The following DFFA variants were observed in gnomAD, a reference collection of about 807,000 sequenced individuals.
The protein encoded by DFFA is DNA fragmentation factor subunit alpha, also known as DFF45.
DFFA carries 14 observed loss-of-function variants against 28.0 expected under a neutral mutation model. The ratio of observed to expected loss-of-function variants is 0.50; its 90% CI spans 0.33 to 0.78. DFFA has a LOEUF of 0.78. Ranked by LOEUF, DFFA falls within the 30% of genes least tolerant of loss-of-function variation. The pLI, the probability that DFFA is intolerant of heterozygous loss-of-function variation, is 0.02. For missense variants in DFFA, 395 were observed against 407.1 expected (o/e 0.97, Z 0.26); for synonymous variants, 158 against 170.3 (o/e 0.93, Z 0.56).
At chr1:10,468,935 C>T (rs1375612203) in intron 2 of DFFA, among the ~76,000 whole-genome samples, 1 of 152,088 alleles carries the variant, frequency 6.6e-6, no homozygotes, top group Non-Finnish European at 1.5e-5. Flanking sequence ...GATGGACTTT[C>T]GCCATGTTGG....
In DFFA at chr1:10,460,238, C is replaced by CT. The variant is rs1446708849; in HGVS notation, c.*1251dup. On this transcript the variant is annotated 3_prime_UTR_variant, in exon 6 of 6. Coordinates refer to ENST00000377038, the MANE Select transcript of DFFA (RefSeq NM_004401.3). ...CCAGACTAGGTGACAGAGTGAGACTCTGTCTCAAAAAAACAAAACAAAACT... is the reference window on the plus strand; with the variant it reads ...CCAGACTAGGTGACAGAGTGAGACTCTTGTCTCAAAAAAACAAAACAAAACT... 6.6e-6 allele frequency: 1 copy of CT among 151,552 alleles called. No homozygotes were observed. Among genetic ancestry groups the CT allele is most frequent in the Non-Finnish European group, 1.5e-5 (1 of 68,034 alleles). The allele number at this position is 151,552 out of a possible 1,614,324, so 9.4% of individuals were successfully genotyped here.
chr1:10,468,741 ATT>A (rs112127951), intron 2 of DFFA, among the ~76,000 whole-genome samples: 6 of 137,840 alleles, frequency 4.4e-5, no homozygotes, highest in Non-Finnish European at 3.2e-5. Context: ...TCATTCATCT[ATT>A]TTTTTTTTTT....
chr1:10,466,255 C>T (rs565328054), intron 3 of DFFA, among the ~76,000 whole-genome samples: 164 of 152,216 alleles, frequency 1.1e-3, no homozygotes, highest in Non-Finnish European at 1.8e-3. Context: ...GCGATCTCGG[C>T]TCACTGCAAG....
chr1:10,472,300 C>T lies in DFFA; in HGVS notation c.136+23G>A. The T allele has an allele frequency of 6.4e-7, 1 of 1,563,414 alleles. No individual in the cohort carries two copies. The highest frequency in any genetic ancestry group is 1.7e-4 in the Middle Eastern group (1 of 5,756). On this transcript the variant is annotated intron_variant, in intron 1 of 5. Coordinates refer to ENST00000377038, the MANE Select transcript of DFFA (RefSeq NM_004401.3). This position sits in a 1 kb window ranked among gnomAD's most constrained non-coding sequence, Gnocchi z 5.0. Reference sequence around the variant, plus strand: ...CACCCGGCCCTGGCTCCCCCACACCCTCGCCCGGGGTCCCGAGCCAACCCT... The same window carrying T: ...CACCCGGCCCTGGCTCCCCCACACCTTCGCCCGGGGTCCCGAGCCAACCCT...
intron 1 of DFFA, among the ~76,000 whole-genome samples, chr1:10,470,715 G>A (rs534552652): frequency 1.2e-3 from 183 of 148,092 alleles, no homozygotes; most frequent in African/African-American, 4.3e-3. Flanking sequence ...GTGAGCCACC[G>A]GACCCGGCCC....
chr1:10,465,889 A>G (rs899499399), intron 3 of DFFA, among the ~76,000 whole-genome samples: 4 of 151,910 alleles, frequency 2.6e-5, no homozygotes, highest in Non-Finnish European at 5.9e-5. Context: ...TACCACATCA[A>G]ACTCCTGAAC....
At chr1:10,465,294 T>A (rs983146089) in intron 3 of DFFA, among the ~76,000 whole-genome samples, 37 of 151,792 alleles carry the variant, frequency 2.4e-4, no homozygotes, top group African/African-American at 8.0e-4. Context: ...TGAGACAGAG[T>A]CTTGCTCTGT....
rs528834154 is a variant in DFFA, at chr1:10,472,074, G to A, written c.136+249C>T. Among the ~76,000 whole-genome samples, 1 of 152,250 alleles carries A rather than the reference G, an allele frequency of 6.6e-6. No homozygotes were observed. The highest frequency in any genetic ancestry group is 1.9e-4 in the East Asian group (1 of 5,182). ...TGATTTCAGGCAAGAGACCTAAGCC[G>A]AGTCTGGCTTAATTTGCACATTGCT... On this transcript the variant is annotated intron_variant, in intron 1 of 5. Transcript: ENST00000377038. This position sits in a 1 kb window ranked among gnomAD's most constrained non-coding sequence, Gnocchi z 5.0.
Position 10,461,439 on chromosome 1 carries a change from C to T in DFFA, c.*51G>A. ...AGTCAAATGATGAGGCTGAGGGTGT[C>T]TACCAATAACACAACGCCACAGAGC... is the stretch of plus-strand genomic sequence containing the variant. On this transcript the variant is annotated 3_prime_UTR_variant, in exon 6 of 6. Coordinates refer to ENST00000377038, the MANE Select transcript of DFFA (RefSeq NM_004401.3). 6.4e-7 allele frequency: 1 copy of T among 1,569,998 alleles called. No homozygotes were observed. The highest frequency in any genetic ancestry group is 8.7e-7 in the Non-Finnish European group (1 of 1,155,688).
In DFFA at chr1:10,461,152, C is replaced by T. The variant is rs1014161891; in HGVS notation, c.*338G>A. The stretch of plus-strand genomic sequence containing the variant: ...GTCTCGATCTCCTGACTTCACGATC[C>T]GCCCCCCTCGGCCTCCCAGTGCTGG... On this transcript the variant is annotated 3_prime_UTR_variant, in exon 6 of 6. Transcript: ENST00000377038. 2.5e-4 allele frequency: 51 copies of T among 205,540 alleles called. No individual in the cohort carries two copies. The highest frequency in any genetic ancestry group is 9.7e-4 in the African/African-American group (43 of 44,220). 12.7% of individuals were successfully genotyped at this position (205,540 alleles called of 1,614,324 possible). A position where few individuals can be genotyped will look rare whatever the true frequency, so the allele number is the denominator to read the frequency against.
chr1:10,465,322 A>G (rs1057290598), intron 3 of DFFA, among the ~76,000 whole-genome samples: 4 of 152,138 alleles, frequency 2.6e-5, no homozygotes, highest in African/African-American at 9.7e-5. Context: ...GCTAAAATGC[A>G]GTGGCGTGAT....
intron 2 of DFFA, 44 bp from the exon 3 acceptor site, chr1:10,467,376 GC>G: frequency 1.2e-6 from 2 of 1,611,574 alleles, no homozygotes; most frequent in Non-Finnish European, 1.7e-6. Context: ...AACCTGAAGT[GC>G]TGTTTTCACC....
At chr1:10,465,522 C>T (rs1486911776) in intron 3 of DFFA, among the ~76,000 whole-genome samples, 1 of 151,954 alleles carries the variant, frequency 6.6e-6, no homozygotes, top group Non-Finnish European at 1.5e-5. Context: ...CCTCAGCCTC[C>T]CAAAGTGCTG....
rs997160475 is a variant in DFFA at position 10,459,161 on chromosome 1, A to G, written c.*2329T>C. On this transcript the variant is annotated 3_prime_UTR_variant, in exon 6 of 6. Coordinates refer to ENST00000377038, the MANE Select transcript of DFFA (RefSeq NM_004401.3). ...GAGCCACTGCGCCCGGCCTATTGTGATATTTCTTTACTTAATAACTAGCAG... is the reference window on the plus strand; with the variant it reads ...GAGCCACTGCGCCCGGCCTATTGTGGTATTTCTTTACTTAATAACTAGCAG... 2 of 152,194 alleles carry G rather than the reference A, an allele frequency of 1.3e-5. No homozygotes were observed. The highest frequency in any genetic ancestry group is 1.9e-4 in the East Asian group (1 of 5,198). The allele number at this position is 152,194 out of a possible 1,614,324, so 9.4% of individuals were successfully genotyped here.
chr1:10,462,460 A>C, intron 5 of DFFA: 3 of 987,810 alleles, frequency 3.0e-6, no homozygotes, highest in Non-Finnish European at 2.4e-6. Context: ...TACAACACCA[A>C]CAGGAAGAAG....
At chr1:10,464,251 C>G (rs1026437850) in intron 3 of DFFA, among the ~76,000 whole-genome samples, 16 of 152,002 alleles carry the variant, frequency 1.1e-4, no homozygotes, top group African/African-American at 3.9e-4. Flanking sequence ...TGCCACCACG[C>G]TTGGCTAATT....
chr1:10,469,719 C>T (rs1024023945), intron 1 of DFFA, among the ~76,000 whole-genome samples: 1 of 152,138 alleles, frequency 6.6e-6, no homozygotes, highest in Middle Eastern at 3.2e-3. Flanking sequence ...CGTGGTTTCA[C>T]CATGTTGACC....
At chr1:10,467,654 G>C (rs1309499320) in intron 2 of DFFA, among the ~76,000 whole-genome samples, 1 of 152,062 alleles carries the variant, frequency 6.6e-6, no homozygotes. Flanking sequence ...GGGATTACAG[G>C]TGCCCACCAC....
At chr1:10,462,804 A>G in intron 5 of DFFA, 1 of 1,347,658 alleles carries the variant, frequency 7.4e-7, no homozygotes, top group Admixed American at 3.0e-5. Context: ...CCCTGTCAGG[A>G]ACAGTCATTT....
Sources: allele counts gnomAD v4.1 joint callset (sites outside exome capture counted in the v4.1 genomes callset), GRCh38; gene constraint gnomAD v4.1.1; non-coding constraint Gnocchi (gnomAD v3.1); transcripts MANE v1.5; gene names NCBI Gene and HGNC (gene_info 2026-07-23, HGNC 2026-07-21).